The following RPTOR variants were observed in gnomAD, a reference collection of about 807,000 sequenced individuals.
RPTOR encodes regulatory-associated protein of mTOR.
A neutral mutation model predicts 169.9 loss-of-function variants in RPTOR; 21 were observed. That is an observed-to-expected ratio of 0.12 (90% CI 0.09 to 0.18). RPTOR has a LOEUF of 0.18. RPTOR is among the 10% of genes least tolerant of loss of function. RPTOR has a pLI of 1.00. For synonymous variants in RPTOR, 732 were observed against 753.2 expected, an observed-to-expected ratio of 0.97 and a Z score of 0.46; for missense variants, 1,133 against 1,855.9, an observed-to-expected ratio of 0.61 and a Z score of 7.16.
Position 80,708,960 on chromosome 17 carries a change from C to G in RPTOR, c.507+961C>G, listed in dbSNP as rs1331896717. The G allele has an allele frequency of 3.0e-6, 3 of 985,842 alleles. No individual in the cohort carries two copies. In the African/African-American group the frequency reaches 5.2e-5, roughly 17 times the overall value. The allele number at this position is 985,842 out of a possible 1,614,324, so 61.1% of individuals were successfully genotyped here. ...CATAGTGAGGACTCTGACTCCGTTT[C>G]TTCACACACTGAACTCTCGGTTCCC... On this transcript the variant is annotated intron_variant, in intron 4 of 33. Transcript: ENST00000306801. The surrounding 1 kb of genome is among the most constrained non-coding windows in gnomAD (Gnocchi z 4.2).
intron 1 of RPTOR, among the ~76,000 whole-genome samples, chr17:80,550,171 C>G (rs1004990479): frequency 1.3e-5 from 2 of 152,200 alleles, no homozygotes; most frequent in African/African-American, 2.4e-5. Flanking sequence ...GTGCCCTGTT[C>G]CACTCCCCTG....
chr17:80,816,070 AGAG>A (rs1332218689), intron 7 of RPTOR, among the ~76,000 whole-genome samples: 1 of 152,268 alleles, frequency 6.6e-6, no homozygotes, highest in Non-Finnish European at 1.5e-5. Flanking sequence ...TCCTCCAGCC[AGAG>A]GAGTTTTGCT....
intron 1 of RPTOR, chr17:80,602,510 A>C: frequency 8.5e-6 from 3 of 354,380 alleles, no homozygotes; most frequent in Middle Eastern, 9.3e-4. Flanking sequence ...GGTGGGGGGG[A>C]GTTTTATAAC....
At chr17:80,882,315 T>C (rs1032002107) in intron 14 of RPTOR, among the ~76,000 whole-genome samples, 5 of 152,178 alleles carry the variant, frequency 3.3e-5, no homozygotes, top group African/African-American at 1.2e-4. Flanking sequence ...GCAGGATGAA[T>C]CCTGAGAAGG....
chr17:80,791,843 C>G (rs2067051878), intron 7 of RPTOR, among the ~76,000 whole-genome samples: 4 of 152,234 alleles, frequency 2.6e-5, no homozygotes, highest in Admixed American at 2.6e-4. Flanking sequence ...ATAGCTAGAT[C>G]ATAGCTAGCT....
intron 27 of RPTOR, among the ~76,000 whole-genome samples, chr17:80,949,091 C>T (rs1257934921): frequency 2.0e-5 from 3 of 152,168 alleles, no homozygotes; most frequent in Non-Finnish European, 4.4e-5. Flanking sequence ...GAGCTTCACC[C>T]GCCTGCCTCC....
intron 27 of RPTOR, among the ~76,000 whole-genome samples, chr17:80,948,284 C>T (rs1011098986): frequency 9.2e-5 from 14 of 152,246 alleles, no homozygotes; most frequent in Admixed American, 9.2e-4. Flanking sequence ...TGGTGAGGGG[C>T]GTGGCCATGG....
chr17:80,925,535 C>A, intron 24 of RPTOR, 55 bp downstream of exon 24: 1 of 1,395,628 alleles, frequency 7.2e-7, no homozygotes, highest in Non-Finnish European at 1.0e-6. Flanking sequence ...GTGTCTGTCC[C>A]ACTTCTTTGA....
At chr17:80,596,648 C>A (rs1217530079) in intron 1 of RPTOR, among the ~76,000 whole-genome samples, 1 of 151,816 alleles carries the variant, frequency 6.6e-6, no homozygotes, top group Admixed American at 6.6e-5. Flanking sequence ...TTTAGGAACC[C>A]CTGTTTAGAA....
chr17:80,783,860 T>A (rs1005283185), intron 6 of RPTOR, among the ~76,000 whole-genome samples: 1 of 152,284 alleles, frequency 6.6e-6, no homozygotes, highest in Admixed American at 6.5e-5. Flanking sequence ...TTGTCCTGCT[T>A]ACCGGCCTAG....
rs2066382644 is a variant in RPTOR at position 80,730,586 on chromosome 17, C to T, written c.534C>T (p.Ser178=). 1 of 1,614,048 alleles carries T rather than the reference C, an allele frequency of 6.2e-7. No individual in the cohort carries two copies. The highest frequency in any genetic ancestry group is 1.3e-5 in the African/African-American group (1 of 74,914). The change falls in exon 5 of 34, where the codon TCC becomes TCT. Residue 178 remains serine (S), a synonymous_variant. Coordinates refer to ENST00000306801, the MANE Select transcript of RPTOR (RefSeq NM_020761.3). This position sits in a 1 kb window ranked among gnomAD's most constrained non-coding sequence, Gnocchi z 4.2. ...ACTACACGCAGTACATCCCTCTGTC[C>T]ATATATGACCTGCAGACGTGGATGG... ...NKNYTQYIPL[S]IYDLQTWMGS...
chr17:80,835,256 CTTTT>C (rs1247382110), intron 9 of RPTOR, among the ~76,000 whole-genome samples: 5 of 151,942 alleles, frequency 3.3e-5, no homozygotes, highest in Non-Finnish European at 7.4e-5. Context: ...TAAACTTTTA[CTTTT>C]TTTTCTGGAT....
At chr17:80,629,199 C>G (rs78041553) in intron 2 of RPTOR, among the ~76,000 whole-genome samples, 1 of 130,528 alleles carries the variant, frequency 7.7e-6, no homozygotes, top group African/African-American at 2.9e-5. Flanking sequence ...CTATGTATTG[C>G]GCTGTCGGAC....
chr17:80,587,837 A>G (rs1599579560), intron 1 of RPTOR, among the ~76,000 whole-genome samples: 1 of 151,596 alleles, frequency 6.6e-6, no homozygotes, highest in East Asian at 1.9e-4. Flanking sequence ...ATATAGTGTT[A>G]TTAACTATAG....
At chr17:80,674,406 C>G (rs1271861635) in intron 3 of RPTOR, among the ~76,000 whole-genome samples, 2 of 152,142 alleles carry the variant, frequency 1.3e-5, no homozygotes, top group Non-Finnish European at 2.9e-5. Context: ...ACACTCAGCA[C>G]TTTCACAGGG....
At chr17:80,564,141 C>T (rs145386842) in intron 1 of RPTOR, among the ~76,000 whole-genome samples, 1 of 151,772 alleles carries the variant, frequency 6.6e-6, no homozygotes, top group Admixed American at 6.6e-5. Context: ...GGGCTCACTA[C>T]AAGCTCTGCC....
At chr17:80,923,896 TC>T (rs1442618459) in intron 23 of RPTOR, 1 of 552,290 alleles carries the variant, frequency 1.8e-6, no homozygotes, top group Admixed American at 3.6e-5. Flanking sequence ...GCTGGGTGTG[TC>T]CCGGTCCCTC....
chr17:80,696,618 G>A (rs573212508), intron 3 of RPTOR, among the ~76,000 whole-genome samples: 68 of 152,342 alleles, frequency 4.5e-4, no homozygotes, highest in African/African-American at 1.6e-3. Flanking sequence ...CGGCTGGTGC[G>A]TCAGAGCCTG....
At chr17:80,666,577 T>TGTG (rs1383191208) in intron 3 of RPTOR, among the ~76,000 whole-genome samples, 3 of 152,360 alleles carry the variant, frequency 2.0e-5, no homozygotes, top group Admixed American at 2.0e-4. Flanking sequence ...TGCTAGTTGC[T>TGTG]GTGGATATAA....
Sources: gnomAD v4.1 joint callset for allele counts (sites outside exome capture counted in the v4.1 genomes callset) on GRCh38, gnomAD v4.1.1 for gene constraint, Gnocchi (gnomAD v3.1) non-coding constraint, MANE v1.5 for transcripts, NCBI Gene and HGNC (gene_info 2026-07-23, HGNC 2026-07-21) for gene names.